Variants in MCM5 observed in about 807,000 individuals in gnomAD.
MCM5 encodes the protein minichromosome maintenance complex component 5.
Under a neutral mutation model 79.9 loss-of-function variants are expected in MCM5, and 46 were observed. The ratio of observed to expected loss-of-function variants is 0.58; its 90% CI spans 0.45 to 0.74. MCM5 has a LOEUF of 0.74. Ranked by LOEUF, MCM5 falls within the 30% of genes least tolerant of loss-of-function variation. The pLI is 0.00. For synonymous variants in MCM5, 404 were observed against 390.5 expected (o/e 1.03, Z -0.41); for missense variants, 883 against 1,017.0 (o/e 0.87, Z 1.79).
chr22:35,415,175 A>G (rs1001465634), intron 9 of MCM5, among the ~76,000 whole-genome samples: 9 of 152,176 alleles, frequency 5.9e-5, no homozygotes, highest in African/African-American at 2.2e-4. Flanking sequence ...CTTGGGCAAC[A>G]TAGCAAGACC....
rs1932758022 is a variant in MCM5 at position 35,424,377 on chromosome 22, C to T, written c.*122C>T. ...CTGCAGCCCTCGAACTTCCCAGGCACCCTCCTTTCTGCCCCAGAGGAAGGA... is the reference window on the plus strand; with the variant it reads ...CTGCAGCCCTCGAACTTCCCAGGCATCCTCCTTTCTGCCCCAGAGGAAGGA... On this transcript the variant is annotated 3_prime_UTR_variant, in exon 17 of 17. Coordinates refer to ENST00000216122, the MANE Select transcript of MCM5 (RefSeq NM_006739.4). 2 of 698,722 alleles carry T rather than the reference C, an allele frequency of 2.9e-6. No homozygotes were observed. The highest frequency in any genetic ancestry group is 1.8e-5 in the African/African-American group (1 of 55,416). 43.3% of individuals were successfully genotyped at this position (698,722 alleles called of 1,614,324 possible). A position where few individuals can be genotyped will look rare whatever the true frequency, so the allele number is the denominator to read the frequency against.
chr22:35,434,820 C>T, the MCM5 span, among the ~76,000 whole-genome samples: 22 of 152,274 alleles, frequency 1.4e-4, no homozygotes, highest in South Asian at 2.3e-3. Flanking sequence ...ATCTTTACCC[C>T]GACAATGCTT....
chr22:35,400,716 A>G (rs1932019937), intron 2 of MCM5, 111 bp downstream of exon 2: 6 of 1,232,942 alleles, frequency 4.9e-6, no homozygotes, highest in Non-Finnish European at 5.5e-6. Flanking sequence ...CAGACGGGGG[A>G]AAGAGCCGGT....
intron 6 of MCM5, chr22:35,409,710 A>G (rs533311314): frequency 6.6e-6 from 1 of 152,340 alleles, no homozygotes; most frequent in South Asian, 2.1e-4. Flanking sequence ...AATTGCATGC[A>G]GATGTTCTGA....
chr22:35,451,722 T>C, the MCM5 span, among the ~76,000 whole-genome samples: 1 of 152,246 alleles, frequency 6.6e-6, no homozygotes, highest in Non-Finnish European at 1.5e-5. Context: ...CAGCATATGA[T>C]GTCAGCGGCT....
At chr22:35,417,259 T>G (rs577502146) in intron 12 of MCM5, among the ~76,000 whole-genome samples, 31 of 152,324 alleles carry the variant, frequency 2.0e-4, no homozygotes, top group African/African-American at 7.5e-4. Flanking sequence ...TCTGCTTCCC[T>G]TGGTGGAATC....
chr22:35,412,467 G>T, intron 7 of MCM5, 43 bp from the exon 8 acceptor site: 1 of 1,426,476 alleles, frequency 7.0e-7, no homozygotes, highest in South Asian at 1.6e-5. Context: ...TGGGCTGGAA[G>T]AGCTCCCTTG....
chr22:35,412,355 C>T (rs1284594985), intron 7 of MCM5, among the ~76,000 whole-genome samples, 155 bp from the exon 8 acceptor site: 1 of 152,216 alleles, frequency 6.6e-6, no homozygotes, highest in Non-Finnish European at 1.5e-5. Context: ...GGCTTGAGAG[C>T]TGGGATCTCT....
At position 35,408,417 on chromosome 22, in the gene MCM5, T is replaced by C. The variant is rs764716441; in HGVS notation, c.606T>C (p.Ala202=). The change falls in exon 6 of 17, where the codon GCT becomes GCC. Residue 202 remains alanine (A), a synonymous_variant. Coordinates refer to ENST00000216122, the MANE Select transcript of MCM5 (RefSeq NM_006739.4). ...ALPRKCNTDQ[A]GRPKCPLDPY... is the part of the protein sequence containing the mutation. ...CCCTTACCTTGTACAGAGATCAGGC[T>C]GGGCGCCCCAAATGCCCATTGGACC... is the stretch of plus-strand genomic sequence containing the variant. 7 of 1,613,926 alleles carry C rather than the reference T, an allele frequency of 4.3e-6. No homozygotes were observed. Among genetic ancestry groups the C allele is most frequent in the Non-Finnish European group, 5.9e-6 (7 of 1,179,904 alleles).
the MCM5 span, among the ~76,000 whole-genome samples, chr22:35,439,442 TTAA>T: frequency 3.3e-4 from 2 of 5,974 alleles, no homozygotes; most frequent in African/African-American, 3.8e-3. Flanking sequence ...CACCCACATA[TTAA>T]TCCATTCACC....
At chr22:35,416,053 C>T in intron 10 of MCM5, 81 bp downstream of exon 10, 1 of 1,528,704 alleles carries the variant, frequency 6.5e-7, no homozygotes, top group Non-Finnish European at 9.0e-7. Context: ...CAGCAGAAAT[C>T]ACCTCTGACT....
the MCM5 span, among the ~76,000 whole-genome samples, chr22:35,453,924 A>G: frequency 3.3e-5 from 5 of 150,130 alleles, no homozygotes; most frequent in Non-Finnish European, 7.4e-5. Context: ...GATACTTAGG[A>G]AGGGGTGTCT....
At chr22:35,400,372 AG>A in intron 1 of MCM5, 58 bp from the exon 2 acceptor site, 1 of 1,594,262 alleles carries the variant, frequency 6.3e-7, no homozygotes, top group Non-Finnish European at 8.6e-7. Flanking sequence ...CAGGCGTCGG[AG>A]GGGAGGAGGT....
chr22:35,410,917 T>A lies in MCM5; in HGVS notation c.919+7T>A, dbSNP rs759949086. ...GTGGACACAGATGGCTCTGGTGAGT[T>A]GGCTTTGGGGTCCTGGCTTAGCCCT... is the stretch of plus-strand genomic sequence containing the variant. On this transcript the variant is annotated splice_region_variant and intron_variant, in intron 7 of 16. Coordinates refer to ENST00000216122, the MANE Select transcript of MCM5 (RefSeq NM_006739.4). 6.3e-7 allele frequency: 1 copy of A among 1,588,140 alleles called. No individual in the cohort carries two copies. The highest frequency in any genetic ancestry group is 1.1e-5 in the South Asian group (1 of 88,016).
At chr22:35,406,124 CA>C (rs1932203770) in intron 4 of MCM5, among the ~76,000 whole-genome samples, 1 of 152,178 alleles carries the variant, frequency 6.6e-6, no homozygotes, top group Non-Finnish European at 1.5e-5. Flanking sequence ...CAGAAGACCA[CA>C]CAGCAGGTTT....
At chr22:35,442,933 A>G in the MCM5 span, among the ~76,000 whole-genome samples, 120,303 of 152,096 alleles carry the variant, frequency 0.79, 48,166 homozygotes, top group African/African-American at 0.88. Context: ...GGATAAAGTG[A>G]GGGTACGTGT....
chr22:35,424,273 G>T lies in MCM5; in HGVS notation c.*18G>T. 1 of 1,511,924 alleles carries T rather than the reference G, an allele frequency of 6.6e-7. No individual in the cohort carries two copies. The highest frequency in any genetic ancestry group is 1.2e-5 in the South Asian group (1 of 81,520). 93.7% of individuals were successfully genotyped at this position (1,511,924 alleles called of 1,614,324 possible). On this transcript the variant is annotated 3_prime_UTR_variant, in exon 17 of 17. Coordinates refer to ENST00000216122, the MANE Select transcript of MCM5 (RefSeq NM_006739.4). ...TCAAGTGAGTCGCGCCGCCTCACTG[G>T]ACTCATGGACTCGCCCACGCCTCGC...
rs1445323475 is a variant in MCM5 at position 35,413,970 on chromosome 22, A to G, written c.1187A>G (p.Lys396Arg). Residue 396 changes from lysine (K) to arginine (R), a missense_variant, in exon 9 of 17, where the codon AAG (lysine) becomes AGG (arginine). Lys to Arg is a conservative substitution (Grantham distance 26). This residue lies in a region of MCM5 where 426 missense variants were observed against 482.3 expected (regional missense o/e 0.88). Coordinates refer to ENST00000216122, the MANE Select transcript of MCM5 (RefSeq NM_006739.4). ...AKSQLLKFVE[K>R]CSPIGVYTSG... is the part of the protein sequence containing the mutation. ...TCCCAGCTTCTGAAGTTTGTGGAGAAGTGTTCTCCCATTGGGGTGAGTGGC... is the reference window on the plus strand; with the variant it reads ...TCCCAGCTTCTGAAGTTTGTGGAGAGGTGTTCTCCCATTGGGGTGAGTGGC... 6.2e-7 allele frequency: 1 copy of G among 1,613,792 alleles called. No individual in the cohort carries two copies. The highest frequency in any genetic ancestry group is 1.7e-5 in the Admixed American group (1 of 60,018).
chr22:35,400,150 C>T lies in MCM5; in HGVS notation c.-67C>T, dbSNP rs989062142. ...CGCCTCTTGTTTTTCCCGCGAAACTCGGCGGCTGAGCGTGGAGGTTCTTGT... is the reference window on the plus strand; with the variant it reads ...CGCCTCTTGTTTTTCCCGCGAAACTTGGCGGCTGAGCGTGGAGGTTCTTGT... On this transcript the variant is annotated 5_prime_UTR_variant, in exon 1 of 17. Transcript: ENST00000216122. The T allele has an allele frequency of 1.5e-5, 6 of 406,600 alleles. No individual in the cohort carries two copies. The highest frequency in any genetic ancestry group is 2.7e-5 in the Non-Finnish European group (6 of 220,068). 25.2% of individuals were successfully genotyped at this position (406,600 alleles called of 1,614,324 possible).
Sources: gnomAD v4.1 joint callset for allele counts (sites outside exome capture counted in the v4.1 genomes callset) on GRCh38, gnomAD v4.1.1 for gene constraint, gnomAD v4.1.1 regional missense constraint, MANE v1.5 for transcripts, NCBI Gene and HGNC (gene_info 2026-07-23, HGNC 2026-07-21) for gene names.